Variants in AUTS2 observed in about 807,000 individuals in gnomAD.
The protein encoded by AUTS2 is autism susceptibility gene 2 protein.
AUTS2 carries 17 observed loss-of-function variants against 112.4 expected under a neutral mutation model. The observed-to-expected ratio is 0.15, with a 90% confidence interval of 0.10 to 0.23. AUTS2 has a LOEUF of 0.23. AUTS2 is among the 10% of genes least tolerant of loss of function. The pLI, the probability that AUTS2 is intolerant of heterozygous loss-of-function variation, is 1.00. For missense variants in AUTS2, 1,510 were observed against 1,701.6 expected, an observed-to-expected ratio of 0.89 and a Z score of 1.98; for synonymous variants, 751 against 702.7, an observed-to-expected ratio of 1.07 and a Z score of -1.09.
intron 4 of AUTS2, among the ~76,000 whole-genome samples, chr7:70,262,401 G>C (rs1373271387): frequency 1.3e-5 from 2 of 152,122 alleles, no homozygotes; most frequent in Non-Finnish European, 2.9e-5. Context: ...TGTTAGAAAG[G>C]CTTGTCTCAA....
intron 2 of AUTS2, among the ~76,000 whole-genome samples, chr7:70,116,904 G>A (rs1805384003): frequency 6.6e-6 from 1 of 152,076 alleles, no homozygotes; most frequent in African/African-American, 2.4e-5. Flanking sequence ...GCTGTGACTT[G>A]TAACCAGTAC....
chr7:70,338,497 G>A (rs1270422166), intron 4 of AUTS2, among the ~76,000 whole-genome samples: 1 of 152,100 alleles, frequency 6.6e-6, no homozygotes, highest in Non-Finnish European at 1.5e-5. Flanking sequence ...TGAAAAGATC[G>A]CCTACATTGT....
At chr7:70,571,729 G>A (rs1222960176) in intron 5 of AUTS2, among the ~76,000 whole-genome samples, 1 of 152,198 alleles carries the variant, frequency 6.6e-6, no homozygotes, top group Non-Finnish European at 1.5e-5. Context: ...TCTCAGCCCA[G>A]CTGCCATGAG....
At chr7:70,001,418 A>G (rs1799185885) in intron 2 of AUTS2, among the ~76,000 whole-genome samples, 1 of 151,922 alleles carries the variant, frequency 6.6e-6, no homozygotes, top group Admixed American at 6.6e-5. Context: ...GAGACACCAC[A>G]CGGCCAAGTT....
chr7:70,486,930 G>T lies in AUTS2; in HGVS notation c.690+51149G>T, dbSNP rs143799769. ...CCCCAAAAAAAAAGAAGAAAAGGTT[G>T]CATATCATCACTTTAAAAGCTGAAG... On this transcript the variant is annotated intron_variant, in intron 5 of 18. Transcript: ENST00000342771. Among the ~76,000 whole-genome samples the T allele has an allele frequency of 8.5e-3, 1,119 of 131,592 alleles. 22 individuals are homozygous for T. Among genetic ancestry groups the T allele is most frequent in the African/African-American group, 0.031 (1,069 of 34,646 alleles). The allele number at this position is 131,592 out of a possible 152,430, so 86.3% of individuals were successfully genotyped here. A position where few individuals can be genotyped will look rare whatever the true frequency, so the allele number is the denominator to read the frequency against.
At chr7:69,771,006 G>A (rs970046972) in intron 1 of AUTS2, among the ~76,000 whole-genome samples, 7 of 152,062 alleles carry the variant, frequency 4.6e-5, no homozygotes, top group African/African-American at 1.2e-4. Flanking sequence ...GACTTCACCC[G>A]CCAACTCCTT....
chr7:70,563,142 G>A (rs1801558657), intron 5 of AUTS2, among the ~76,000 whole-genome samples: 1 of 152,128 alleles, frequency 6.6e-6, no homozygotes, highest in Admixed American at 6.5e-5. Flanking sequence ...CTGTCACCAA[G>A]CAGAGAGTGG....
chr7:70,053,369 T>C (rs1392454397), intron 2 of AUTS2, among the ~76,000 whole-genome samples: 1 of 152,168 alleles, frequency 6.6e-6, no homozygotes, highest in African/African-American at 2.4e-5. Context: ...CATCTAAATT[T>C]AATAGCTTTC....
At chr7:69,725,670 GT>G (rs1267291990) in intron 1 of AUTS2, among the ~76,000 whole-genome samples, 18 of 152,242 alleles carry the variant, frequency 1.2e-4, no homozygotes, top group African/African-American at 4.1e-4. Flanking sequence ...GGAAATGAGG[GT>G]CAGAGTGTAG....
At chr7:69,662,937 C>T (rs1050850497) in intron 1 of AUTS2, among the ~76,000 whole-genome samples, 6 of 152,174 alleles carry the variant, frequency 3.9e-5, no homozygotes, top group Admixed American at 1.3e-4. Context: ...AGTTCTATCC[C>T]GTGTGATTTC....
intron 2 of AUTS2, among the ~76,000 whole-genome samples, chr7:69,992,361 T>C (rs1488775812): frequency 6.6e-6 from 1 of 152,172 alleles, no homozygotes; most frequent in Non-Finnish European, 1.5e-5. Context: ...CTGGAAACTT[T>C]ACAGACTGGC....
chr7:70,439,794 C>T (rs568850538), intron 5 of AUTS2, among the ~76,000 whole-genome samples: 2 of 152,254 alleles, frequency 1.3e-5, no homozygotes, highest in African/African-American at 4.8e-5. Flanking sequence ...CTTTCTTTCT[C>T]CAGTACTGGC....
chr7:69,978,218 G>A (rs1249764283), intron 2 of AUTS2, among the ~76,000 whole-genome samples: 2 of 152,116 alleles, frequency 1.3e-5, no homozygotes, highest in African/African-American at 4.8e-5. Context: ...TAGATAAATT[G>A]TATTATCACT....
chr7:70,245,297 G>A (rs1812864218), intron 4 of AUTS2, among the ~76,000 whole-genome samples: 1 of 151,832 alleles, frequency 6.6e-6, no homozygotes, highest in Admixed American at 6.6e-5. Flanking sequence ...TGAGCAATAT[G>A]TTAATAAGTC....
intron 2 of AUTS2, among the ~76,000 whole-genome samples, chr7:69,999,321 T>A (rs1175028318): frequency 2.0e-5 from 3 of 152,156 alleles, no homozygotes; most frequent in Admixed American, 6.5e-5. Context: ...TATACCACAG[T>A]TACTTGTGGG....
chr7:70,672,598 CTTTTTCTTTT>C (rs767528310), intron 5 of AUTS2, among the ~76,000 whole-genome samples: 3 of 151,780 alleles, frequency 2.0e-5, no homozygotes, highest in Non-Finnish European at 4.4e-5. Flanking sequence ...CACATGATTT[CTTTTTCTTTT>C]TTTTTCTTTT....
chr7:70,485,206 A>C (rs1797936792), intron 5 of AUTS2, among the ~76,000 whole-genome samples: 1 of 152,224 alleles, frequency 6.6e-6, no homozygotes, highest in Non-Finnish European at 1.5e-5. Context: ...CACAGTTCAC[A>C]ATTGCAAAAA....
At chr7:69,985,741 A>G (rs1475475132) in intron 2 of AUTS2, among the ~76,000 whole-genome samples, 1 of 149,352 alleles carries the variant, frequency 6.7e-6, no homozygotes, top group African/African-American at 2.5e-5. Flanking sequence ...CTTACCAACC[A>G]TCTAAGTTTG....
intron 5 of AUTS2, among the ~76,000 whole-genome samples, chr7:70,481,334 G>C (rs1295711665): frequency 6.6e-6 from 1 of 152,212 alleles, no homozygotes; most frequent in East Asian, 1.9e-4. Context: ...TCCATGTTCT[G>C]ACATGAATAA....
Sources: allele counts gnomAD v4.1 joint callset (sites outside exome capture counted in the v4.1 genomes callset), GRCh38; gene constraint gnomAD v4.1.1; transcripts MANE v1.5; gene names NCBI Gene and HGNC (gene_info 2026-07-23, HGNC 2026-07-21).